The following ARSF variants were observed in gnomAD, a reference collection of about 807,000 sequenced individuals.
The protein encoded by ARSF is arylsulfatase F.
ARSF carries 33 observed loss-of-function variants against 35.4 expected under a neutral mutation model. That is an observed-to-expected ratio of 0.93 (90% CI 0.71 to 1.25). The LOEUF (loss-of-function observed/expected upper bound fraction) is 1.25, where lower values mean the gene tolerates loss of function less well. Among genes scored for constraint, ARSF ranks in the 50% most tolerant of loss-of-function variants. ARSF has a pLI of 0.00. For synonymous variants in ARSF, 222 were observed against 193.1 expected, an observed-to-expected ratio of 1.15 and a Z score of -1.24; for missense variants, 501 against 480.2, an observed-to-expected ratio of 1.04 and a Z score of -0.40.
chrX:3,085,494 G>A (rs1053112511), intron 6 of ARSF, among the ~76,000 whole-genome samples: 6 of 109,635 alleles, frequency 5.5e-5, no homozygotes, highest in South Asian at 3.9e-4. Context: ...CATGTGATAC[G>A]TAAGGGCTAT....
intron 2 of ARSF, among the ~76,000 whole-genome samples, chrX:3,071,464 C>T (rs1335541991): frequency 4.5e-5 from 5 of 110,298 alleles, no homozygotes; most frequent in Admixed American, 9.8e-5. Context: ...CCACTACACT[C>T]GGCTAATTTT....
At chrX:3,101,255 G>T (rs768240421) in intron 8 of ARSF, 34 bp downstream of exon 8, 2 of 1,187,732 alleles carry the variant, frequency 1.7e-6, no homozygotes, top group East Asian at 6.0e-5. Context: ...TGATCTGGTG[G>T]TGAATAAGCT....
chrX:3,082,845 A>T (rs1309688608), intron 5 of ARSF, among the ~76,000 whole-genome samples: 1 of 111,245 alleles, frequency 9.0e-6, no homozygotes, highest in Non-Finnish European at 1.9e-5. Context: ...ACACAGATCT[A>T]TTCATGCATC....
intron 7 of ARSF, among the ~76,000 whole-genome samples, chrX:3,095,118 A>G (rs902575636): frequency 9.2e-6 from 1 of 108,631 alleles, no homozygotes; most frequent in Non-Finnish European, 1.9e-5. Flanking sequence ...ACTGCACTCT[A>G]GCCTGGGTGA....
At chrX:3,102,961 A>C (rs1416039767) in intron 8 of ARSF, among the ~76,000 whole-genome samples, 1 of 111,589 alleles carries the variant, frequency 9.0e-6, no homozygotes, top group Non-Finnish European at 1.9e-5. Flanking sequence ...TGTAGATTTT[A>C]CTCTGATTAA....
chrX:3,084,665 A>C lies in ARSF; in HGVS notation c.829A>C (p.Arg277=), dbSNP rs1334128228. 2.6e-6 allele frequency: 3 copies of C among 1,153,692 alleles called. No homozygotes were observed. The highest frequency in any genetic ancestry group is 2.9e-5 in the Admixed American group (1 of 34,896). ...MVKEAISFLE[R]HSKETFLLFF... ...GAAGGAAGCGATTTCCTTTTTAGAA[A>C]GGTAAGCGGAATAATTACAAATTCA... The change falls in exon 6 of 11, where the codon AGG becomes CGG. Residue 277 remains arginine (R), a splice_region_variant and synonymous_variant. Coordinates refer to ENST00000381127, the MANE Select transcript of ARSF (RefSeq NM_001201539.2).
At chrX:3,076,153 C>CTCTGTCTTTCTCTGTCTCCCTCTA (rs2090147299) in intron 3 of ARSF, among the ~76,000 whole-genome samples, 1 of 108,179 alleles carries the variant, frequency 9.2e-6, no homozygotes, top group African/African-American at 3.4e-5. Flanking sequence ...CTCTGTCCCT[C>CTCTGTCTTTCTCTGTCTCCCTCTA]TCTGTCTTTC....
intron 1 of ARSF, chrX:3,058,420 G>A (rs998781277): frequency 9.4e-6 from 2 of 213,085 alleles, no homozygotes; most frequent in Middle Eastern, 1.6e-3. Context: ...TACTTGATCA[G>A]CCTAGCGCAC....
At chrX:3,059,576 C>G (rs1603464132) in intron 1 of ARSF, among the ~76,000 whole-genome samples, 1 of 112,276 alleles carries the variant, frequency 8.9e-6, no homozygotes, top group Non-Finnish European at 1.9e-5. Flanking sequence ...CTGGGACACT[C>G]TCGCCCACAT....
In ARSF at chrX:3,112,154, G is replaced by A; in HGVS notation, c.1391-20G>A. The A allele has an allele frequency of 8.5e-7, 1 of 1,175,385 alleles. No homozygotes were observed. The highest frequency in any genetic ancestry group is 1.9e-5 in the South Asian group (1 of 52,959). On this transcript the variant is annotated intron_variant, in intron 10 of 10. Transcript: ENST00000381127. Reference sequence around the variant, plus strand: ...GGCTGAAGTGCGCATCATTTGACGAGTCTCTCTTTTCTCCTCCAGGTGGGT... The same window carrying A: ...GGCTGAAGTGCGCATCATTTGACGAATCTCTCTTTTCTCCTCCAGGTGGGT...
chrX:3,091,440 A>C (rs2090289333), intron 7 of ARSF, among the ~76,000 whole-genome samples: 1 of 112,357 alleles, frequency 8.9e-6, no homozygotes. Flanking sequence ...AATGGCTTTA[A>C]TTTTCCAACA....
chrX:3,107,399 A>G (rs2090418078), intron 9 of ARSF, among the ~76,000 whole-genome samples: 1 of 111,905 alleles, frequency 8.9e-6, no homozygotes, highest in African/African-American at 3.2e-5. Context: ...AAAGAAAGAA[A>G]AAATTAAAAT....
intron 6 of ARSF, among the ~76,000 whole-genome samples, chrX:3,089,274 G>T (rs983911807): frequency 9.0e-6 from 1 of 111,158 alleles, no homozygotes; most frequent in Non-Finnish European, 1.9e-5. Context: ...GAAGTTTATA[G>T]AGATGGTTTC....
chrX:3,111,311 G>A (rs2090443881), intron 10 of ARSF, among the ~76,000 whole-genome samples: 1 of 111,679 alleles, frequency 9.0e-6, no homozygotes, highest in Non-Finnish European at 1.9e-5. Flanking sequence ...TTATGACCCA[G>A]AAATTGGAAG....
intron 6 of ARSF, among the ~76,000 whole-genome samples, chrX:3,087,312 A>G: frequency 8.9e-6 from 1 of 111,846 alleles, no homozygotes; most frequent in African/African-American, 3.3e-5. Context: ...TAAATATTTA[A>G]TGTTCAGAGC....
Position 3,076,617 on chromosome X carries a change from C to T in ARSF, c.231C>T (p.Leu77=), listed in dbSNP as rs776573939. The T allele has an allele frequency of 8.3e-7, 1 of 1,209,794 alleles. No homozygotes were observed. Among genetic ancestry groups the T allele is most frequent in the South Asian group, 1.8e-5 (1 of 56,706 alleles). ...RLTQHISAAS[L]CSPSRSAFLT... is the part of the protein sequence containing the mutation. ...CTCAGCACATCTCTGCCGCCTCCCT[C>T]TGCAGCCCAAGCCGGTCCGCGTTCT... Residue 77 remains leucine (L), a synonymous_variant, in exon 4 of 11, where the codon CTC becomes CTT. Transcript: ENST00000381127.
At chrX:3,104,025 T>C in intron 9 of ARSF, 101 bp downstream of exon 9, 1 of 892,268 alleles carries the variant, frequency 1.1e-6, no homozygotes. Flanking sequence ...AGACCCACTT[T>C]TTCCCTAGTA....
intron 1 of ARSF, among the ~76,000 whole-genome samples, chrX:3,049,973 C>A (rs1326404372): frequency 2.7e-5 from 3 of 110,767 alleles, no homozygotes; most frequent in Non-Finnish European, 5.7e-5. Flanking sequence ...GATTCTCCTG[C>A]CTCAACCTCC....
At chrX:3,045,344 C>T (rs2089970271) in intron 1 of ARSF, among the ~76,000 whole-genome samples, 1 of 111,218 alleles carries the variant, frequency 9.0e-6, no homozygotes, top group Non-Finnish European at 1.9e-5. Flanking sequence ...AAGAGAAGAG[C>T]TCTCTGCAGC....
Sources: gnomAD v4.1 joint callset for allele counts (sites outside exome capture counted in the v4.1 genomes callset) on GRCh38, gnomAD v4.1.1 for gene constraint, MANE v1.5 for transcripts, NCBI Gene and HGNC (gene_info 2026-07-23, HGNC 2026-07-21) for gene names.